Variants in SBSPON observed in about 807,000 individuals in gnomAD.
SBSPON encodes the protein somatomedin B and thrombospondin type 1 domain containing.
Under a neutral mutation model 35.8 loss-of-function variants are expected in SBSPON, and 30 were observed. The ratio of observed to expected loss-of-function variants is 0.84; its 90% CI spans 0.63 to 1.14. The LOEUF (loss-of-function observed/expected upper bound fraction) is 1.14. Ranked by LOEUF, SBSPON falls within the 50% of genes most tolerant of loss-of-function variation. The pLI is 0.00. For synonymous variants in SBSPON, 136 were observed against 135.9 expected, an observed-to-expected ratio of 1.00 and a Z score of 0.00; for missense variants, 364 against 357.7, an observed-to-expected ratio of 1.02 and a Z score of -0.14.
rs150036727 is a variant in SBSPON at position 73,081,048 on chromosome 8, G to A, written c.380C>T (p.Pro127Leu). 713 of 1,609,562 alleles carry A rather than the reference G, an allele frequency of 4.4e-4. 17 individuals carry two copies. The East Asian group carries it at 6.7e-3, about 15-fold the overall frequency. Residue 127 changes from proline (P) to leucine (L), a missense_variant, in exon 2 of 5, where the codon CCG becomes CTG. Coordinates refer to ENST00000297354, the MANE Select transcript of SBSPON (RefSeq NM_153225.4). Reference protein sequence around the residue: ...ERAGCLEYSTPQGQDCGHTYV... With the variant: ...ERAGCLEYSTLQGQDCGHTYV... ...GGTGTGCCCGCAGTCCTGGCCCTGC[G>A]GGGTGGAGTACTCCAGGCAGCCAGC...
In SBSPON at chr8:73,066,888, AAT is replaced by A. The variant is rs34297004; in HGVS notation, c.*451_*452del. ...ATTTATGGAATATTAAATATATGGA[AAT>A]ATATGTGTAGAGTGTGCATACCTGT... is the stretch of plus-strand genomic sequence containing the variant. On this transcript the variant is annotated 3_prime_UTR_variant, in exon 5 of 5. Coordinates refer to ENST00000297354, the MANE Select transcript of SBSPON (RefSeq NM_153225.4). The A allele has an allele frequency of 0.094, 14,276 of 152,320 alleles. 819 individuals carry two copies. The highest frequency in any genetic ancestry group is 0.14 in the Middle Eastern group (42 of 294). 9.4% of individuals were successfully genotyped at this position (152,320 alleles called of 1,614,324 possible).
rs2129979273 is a variant in SBSPON at position 73,066,767 on chromosome 8, T to C, written c.*574A>G. 6.6e-6 allele frequency: 1 copy of C among 152,368 alleles called. No homozygotes were observed. Among genetic ancestry groups the C allele is most frequent in the Admixed American group, 6.5e-5 (1 of 15,304 alleles). The allele number at this position is 152,368 out of a possible 1,614,324, so 9.4% of individuals were successfully genotyped here. A position where few individuals can be genotyped will look rare whatever the true frequency, so the allele number is the denominator to read the frequency against. On this transcript the variant is annotated 3_prime_UTR_variant, in exon 5 of 5. Transcript: ENST00000297354. ...TCTTCTTCAAAAAATGTTTTTAGTA[T>C]AACTTGGTTTTTCATTACAGAATGC...
intron 2 of SBSPON, 81 bp from the exon 3 acceptor site, chr8:73,071,951 C>T: frequency 1.2e-6 from 1 of 813,548 alleles, no homozygotes; most frequent in Admixed American, 1.9e-5. Context: ...TTGTACCTGT[C>T]TAAGGGTCTC....
chr8:73,090,618 G>C (rs1009543773), intron 1 of SBSPON, among the ~76,000 whole-genome samples: 6 of 152,168 alleles, frequency 3.9e-5, no homozygotes, highest in Non-Finnish European at 1.5e-5. Flanking sequence ...TCCTCCCTTC[G>C]CAAGAAACTT....
intron 1 of SBSPON, among the ~76,000 whole-genome samples, chr8:73,091,036 T>C (rs1257404135): frequency 1.3e-5 from 2 of 152,208 alleles, no homozygotes; most frequent in Non-Finnish European, 2.9e-5. Flanking sequence ...ACATTCTCCT[T>C]GTCTCTCCTC....
At position 73,071,768 on chromosome 8, in the gene SBSPON, A is replaced by AAC; in HGVS notation, c.500+11_500+12insGT. The AAC allele has an allele frequency of 6.5e-7, 1 of 1,534,178 alleles. No homozygotes were observed. The highest frequency in any genetic ancestry group is 8.9e-7 in the Non-Finnish European group (1 of 1,120,666). ...AAAACATGATTAAAAAAAAAAAAAA[A>AAC]CACGAAATTACCCAGCATCCTCTGT... On this transcript the variant is annotated intron_variant, in intron 3 of 4. Coordinates refer to ENST00000297354, the MANE Select transcript of SBSPON (RefSeq NM_153225.4).
intron 1 of SBSPON, among the ~76,000 whole-genome samples, chr8:73,083,407 AAATT>A (rs1316442697): frequency 6.6e-6 from 1 of 152,248 alleles, no homozygotes; most frequent in African/African-American, 2.4e-5. Flanking sequence ...AAGATTAAAT[AAATT>A]AAGAAGTATT....
At chr8:73,090,450 C>T (rs1810909042) in intron 1 of SBSPON, among the ~76,000 whole-genome samples, 4 of 152,362 alleles carry the variant, frequency 2.6e-5, no homozygotes, top group South Asian at 2.1e-4. Flanking sequence ...GGGAGGCAGG[C>T]GGTGACCGCC....
intron 2 of SBSPON, among the ~76,000 whole-genome samples, chr8:73,077,125 C>T (rs1268733027): frequency 2.6e-5 from 4 of 152,108 alleles, no homozygotes; most frequent in African/African-American, 9.7e-5. Flanking sequence ...AGTCTGGTCT[C>T]GAACTCCTGA....
chr8:73,092,541 T>A (rs1032950672), intron 1 of SBSPON, among the ~76,000 whole-genome samples: 1 of 152,128 alleles, frequency 6.6e-6, no homozygotes, highest in Non-Finnish European at 1.5e-5. Context: ...CCTATCCAGC[T>A]GGAGTTTCTG....
chr8:73,081,391 C>A (rs961730678), intron 1 of SBSPON, among the ~76,000 whole-genome samples, 178 bp from the exon 2 acceptor site: 1 of 152,126 alleles, frequency 6.6e-6, no homozygotes, highest in African/African-American at 2.4e-5. Flanking sequence ...TTCCACCTGC[C>A]CACCCCGATG....
intron 1 of SBSPON, among the ~76,000 whole-genome samples, chr8:73,087,328 C>A (rs190437246): frequency 6.6e-6 from 1 of 152,188 alleles, no homozygotes; most frequent in East Asian, 1.9e-4. Context: ...TAAAACGAGA[C>A]CAAAATGAGG....
chr8:73,074,894 A>C (rs936275224), intron 2 of SBSPON, among the ~76,000 whole-genome samples: 2 of 152,208 alleles, frequency 1.3e-5, no homozygotes, highest in African/African-American at 4.8e-5. Flanking sequence ...CTTCAACAAA[A>C]ACTTTGTAAA....
At chr8:73,089,920 C>T (rs569910783) in intron 1 of SBSPON, among the ~76,000 whole-genome samples, 1 of 152,316 alleles carries the variant, frequency 6.6e-6, no homozygotes, top group South Asian at 2.1e-4. Flanking sequence ...GTGGCCCAGG[C>T]TGAAGTGCAG....
chr8:73,086,262 GA>G (rs768270231), intron 1 of SBSPON, among the ~76,000 whole-genome samples: 124 of 152,058 alleles, frequency 8.2e-4, no homozygotes, highest in Middle Eastern at 3.4e-3. Context: ...CTGAGTTCAA[GA>G]GATTCTCATG....
chr8:73,072,012 C>T, intron 2 of SBSPON, 142 bp from the exon 3 acceptor site: 1 of 624,990 alleles, frequency 1.6e-6, no homozygotes, highest in Non-Finnish European at 2.9e-6. Flanking sequence ...TGAAATGAGG[C>T]CAAGTTACAA....
At chr8:73,083,881 A>C (rs1008919152) in intron 1 of SBSPON, 9 of 152,214 alleles carry the variant, frequency 5.9e-5, no homozygotes, top group Non-Finnish European at 1.0e-4. Context: ...GGGTGCCAGG[A>C]AGCTCAGTAA....
intron 1 of SBSPON, among the ~76,000 whole-genome samples, chr8:73,085,096 G>A (rs997631658): frequency 6.6e-5 from 10 of 152,164 alleles, no homozygotes; most frequent in African/African-American, 2.4e-4. Context: ...GCAAAGGAAG[G>A]AAGTGGGGTG....
intron 1 of SBSPON, among the ~76,000 whole-genome samples, chr8:73,081,934 G>C (rs558165576): frequency 1.6e-4 from 25 of 152,312 alleles, no homozygotes; most frequent in African/African-American, 5.8e-4. Context: ...TCTGGGCCTG[G>C]AGTCTTGTTT....
Sources: gnomAD v4.1 joint callset for allele counts (sites outside exome capture counted in the v4.1 genomes callset) on GRCh38, gnomAD v4.1.1 for gene constraint, MANE v1.5 for transcripts, NCBI Gene and HGNC (gene_info 2026-07-23, HGNC 2026-07-21) for gene names.